MYO5A: variants seen among roughly 807,000 people sequenced by gnomAD.
MYO5A encodes myosin VA, also known as unconventional myosin-Va.
A neutral mutation model predicts 249.7 loss-of-function variants in MYO5A; 98 were observed. The observed-to-expected ratio is 0.39, with a 90% confidence interval of 0.33 to 0.46. MYO5A has a LOEUF of 0.46. Ranked by LOEUF, MYO5A falls within the 20% of genes least tolerant of loss-of-function variation. The pLI, the probability that MYO5A is intolerant of heterozygous loss-of-function variation, is 0.98. For synonymous variants in MYO5A, 778 were observed against 810.6 expected (o/e 0.96, Z 0.68); for missense variants, 1,696 against 2,308.8 (o/e 0.73, Z 5.44).
At chr15:52,470,840 T>G (rs2076448904) in intron 1 of MYO5A, among the ~76,000 whole-genome samples, 1 of 151,678 alleles carries the variant, frequency 6.6e-6, no homozygotes, top group South Asian at 2.1e-4. Flanking sequence ...CTGGCCAACA[T>G]GGTGAAACCC....
At chr15:52,479,610 A>G (rs990060259) in intron 1 of MYO5A, among the ~76,000 whole-genome samples, 1 of 152,224 alleles carries the variant, frequency 6.6e-6, no homozygotes, top group Non-Finnish European at 1.5e-5. Flanking sequence ...GCTGACATGG[A>G]AAGATACTGT....
chr15:52,428,334 T>C, intron 3 of MYO5A, 64 bp downstream of exon 3: 1 of 1,512,060 alleles, frequency 6.6e-7, no homozygotes, highest in Non-Finnish European at 9.2e-7. Flanking sequence ...TGTACAATAT[T>C]TCTATGGCTA....
In MYO5A at chr15:52,360,047, G is replaced by C. The variant is rs1227465050; in HGVS notation, c.3344C>G (p.Ser1115Cys). The C allele has an allele frequency of 6.2e-7, 1 of 1,613,656 alleles. No individual in the cohort carries two copies. The highest frequency in any genetic ancestry group is 2.2e-5 in the East Asian group (1 of 44,866). The change falls in exon 25 of 42, where the codon TCC (serine) becomes TGC (cysteine). Residue 1115 changes from serine (S) to cysteine (C), a missense_variant. Ser to Cys is a moderately radical substitution (Grantham distance 112). Coordinates refer to ENST00000399233, the MANE Select transcript of MYO5A (RefSeq NM_001382347.1). ...TTCAGACTCGTTGCTGCTGTGGGTGGAGTCTGTTCTCTTGTGTCCAGGCTT... is the reference window on the plus strand; with the variant it reads ...TTCAGACTCGTTGCTGCTGTGGGTGCAGTCTGTTCTCTTGTGTCCAGGCTT... ...VPKPGHKRTD[S>C]THSSNESEYI...
chr15:52,344,392 G>C (rs2039519410), intron 30 of MYO5A, among the ~76,000 whole-genome samples: 1 of 152,054 alleles, frequency 6.6e-6, no homozygotes, highest in Non-Finnish European at 1.5e-5. Flanking sequence ...CCACACTCCA[G>C]TCCCACGATC....
rs766714184 is a variant in MYO5A at position 52,319,239 on chromosome 15, T to A, written c.5055A>T (p.Thr1685=). The A allele has an allele frequency of 1.2e-6, 2 of 1,614,074 alleles. No homozygotes were observed. Among genetic ancestry groups the A allele is most frequent in the South Asian group, 2.2e-5 (2 of 91,068 alleles). Residue 1685 remains threonine, a synonymous_variant, in exon 39 of 42, where the codon ACA becomes ACT. Transcript: ENST00000399233. ...TGAGCTGCCGGAGGATGGAGTCCAG[T>A]GTGTAGGTGCCCTCATCGGCGATAC... ...TSSIADEGTY[T]LDSILRQLNS... is the part of the protein sequence containing the mutation.
chr15:52,476,109 T>G (rs924792641), intron 1 of MYO5A, among the ~76,000 whole-genome samples: 3 of 152,244 alleles, frequency 2.0e-5, no homozygotes, highest in Non-Finnish European at 4.4e-5. Flanking sequence ...GATAGTTAGC[T>G]CTTCTCGTTG....
At chr15:52,473,731 A>G (rs528098945) in intron 1 of MYO5A, among the ~76,000 whole-genome samples, 3 of 152,216 alleles carry the variant, frequency 2.0e-5, no homozygotes, top group Admixed American at 6.5e-5. Context: ...TGAGGGCTCT[A>G]TTCTGTTCCA....
intron 1 of MYO5A, among the ~76,000 whole-genome samples, chr15:52,497,128 A>T (rs1165157182): frequency 6.6e-6 from 1 of 152,056 alleles, no homozygotes; most frequent in African/African-American, 2.4e-5. Context: ...TGCCCGGCTA[A>T]TTTTTGTATT....
Position 52,351,313 on chromosome 15 carries a change from C to G in MYO5A, c.3790G>C (p.Glu1264Gln). The change falls in exon 28 of 42, where the codon GAG becomes CAG. Residue 1264 changes from glutamate (E) to glutamine (Q), a missense_variant. Glu to Gln is a conservative substitution (Grantham distance 29). This residue lies in a region of MYO5A where 625 missense variants were observed against 908.1 expected (regional missense o/e 0.69). Coordinates refer to ENST00000399233, the MANE Select transcript of MYO5A (RefSeq NM_001382347.1). ...SVSEELDVRK[E>Q]EVLILRSQLV... ...TGAGACCTTAAGATGAGGACTTCCT[C>G]CTTGCGGACATCAAGCTCCTCGCTC... 6.2e-7 allele frequency: 1 copy of G among 1,614,206 alleles called. No homozygotes were observed. Among genetic ancestry groups the G allele is most frequent in the Non-Finnish European group, 8.5e-7 (1 of 1,180,040 alleles).
chr15:52,403,545 G>A (rs1019385288), intron 9 of MYO5A, among the ~76,000 whole-genome samples: 1 of 152,154 alleles, frequency 6.6e-6, no homozygotes, highest in African/African-American at 2.4e-5. Context: ...TAGGGGTAGG[G>A]AAATAGACAC....
intron 16 of MYO5A, among the ~76,000 whole-genome samples, chr15:52,381,063 G>A (rs2041717058): frequency 1.3e-5 from 2 of 152,208 alleles, no homozygotes; most frequent in African/African-American, 4.8e-5. Flanking sequence ...ACATCTTCAA[G>A]TTAAACTGGC....
chr15:52,368,624 G>A (rs2040934263), intron 22 of MYO5A, among the ~76,000 whole-genome samples: 1 of 152,128 alleles, frequency 6.6e-6, no homozygotes, highest in Non-Finnish European at 1.5e-5. Context: ...AACTAATGGG[G>A]CCAGGCGCAG....
Position 52,398,039 on chromosome 15 carries a change from A to G in MYO5A, c.1054-573T>C, listed in dbSNP as rs573290284. On this transcript the variant is annotated intron_variant, in intron 9 of 41. Coordinates refer to ENST00000399233, the MANE Select transcript of MYO5A (RefSeq NM_001382347.1). ...GAGAAAAGGATTTTCCAAGCCAAGG[A>G]AACAGCTGGCAAAAACATTCTGTGG... 7.9e-5 allele frequency among the ~76,000 whole-genome samples: 12 copies of G among 152,330 alleles called. No individual in the cohort carries two copies. The East Asian group carries it at 1.9e-3, about 24-fold the overall frequency.
At chr15:52,460,605 A>G (rs1595725270) in intron 1 of MYO5A, among the ~76,000 whole-genome samples, 3 of 152,240 alleles carry the variant, frequency 2.0e-5, no homozygotes, top group Admixed American at 2.0e-4. Flanking sequence ...AGTACAGTCC[A>G]GCCTCGGCTC....
chr15:52,484,403 G>A lies in MYO5A; in HGVS notation c.27+44377C>T, dbSNP rs967574456. Among the ~76,000 whole-genome samples the A allele has an allele frequency of 7.9e-5, 12 of 152,238 alleles. 3 individuals carry two copies. Among genetic ancestry groups the A allele is most frequent in the East Asian group, 1.9e-4 (1 of 5,182 alleles). ...CAGGGAGGATAGAGTAGATATTAAA[G>A]ACAAAAGTATTTTGCCCTCCTAATC... On this transcript the variant is annotated intron_variant, in intron 1 of 41. Coordinates refer to ENST00000399233, the MANE Select transcript of MYO5A (RefSeq NM_001382347.1).
chr15:52,406,640 AG>A (rs2043015099), intron 8 of MYO5A, among the ~76,000 whole-genome samples: 1 of 152,066 alleles, frequency 6.6e-6, no homozygotes, highest in African/African-American at 2.4e-5. Context: ...CTATATTCTG[AG>A]GTTTTTTTTT....
chr15:52,326,712 G>A (rs2038627491), intron 36 of MYO5A, among the ~76,000 whole-genome samples: 1 of 152,158 alleles, frequency 6.6e-6, no homozygotes, highest in African/African-American at 2.4e-5. Context: ...CAAATTTTAT[G>A]TTATGTATGT....
At chr15:52,503,673 A>G (rs554877945) in intron 1 of MYO5A, among the ~76,000 whole-genome samples, 2 of 152,280 alleles carry the variant, frequency 1.3e-5, no homozygotes, top group African/African-American at 4.8e-5. Flanking sequence ...TTTAGAAACA[A>G]CAAAACTGAA....
At chr15:52,480,668 A>T (rs144513884) in intron 1 of MYO5A, among the ~76,000 whole-genome samples, 1 of 152,194 alleles carries the variant, frequency 6.6e-6, no homozygotes, top group Non-Finnish European at 1.5e-5. Flanking sequence ...TTGTAACACA[A>T]CTTGGTTTCC....
Sources: gnomAD v4.1 joint callset for allele counts (sites outside exome capture counted in the v4.1 genomes callset) on GRCh38, gnomAD v4.1.1 for gene constraint, gnomAD v4.1.1 regional missense constraint, MANE v1.5 for transcripts, NCBI Gene and HGNC (gene_info 2026-07-23, HGNC 2026-07-21) for gene names.